Variants in HIPK1 observed in about 807,000 individuals in gnomAD.
The protein encoded by HIPK1 is homeodomain interacting protein kinase 1.
In HIPK1, 28 loss-of-function variants were observed where a neutral mutation model predicts 117.1. That is an observed-to-expected ratio of 0.24 (90% confidence interval 0.18 to 0.33). The LOEUF (loss-of-function observed/expected upper bound fraction) is 0.33. Ranked by LOEUF, HIPK1 falls within the 10% of genes least tolerant of loss-of-function variation. The pLI is 1.00. For synonymous variants in HIPK1, 605 were observed against 562.5 expected (o/e 1.08, Z -1.07); for missense variants, 1,122 against 1,475.1 (o/e 0.76, Z 3.92).
rs1409728654 is a variant in HIPK1, at chr1:113,929,421, G to C, written c.-114G>C. 2.3e-6 allele frequency: 3 copies of C among 1,289,302 alleles called. No individual in the cohort carries two copies. The East Asian group carries it at 1.7e-4, about 72-fold the overall frequency. 79.9% of individuals were successfully genotyped at this position (1,289,302 alleles called of 1,614,324 possible). On this transcript the variant is annotated 5_prime_UTR_variant, in exon 1 of 16. Transcript: ENST00000426820. ...GGCGGGAAGTCCAGGCCCCGCACTC[G>C]ATCCACGCTGGCTCCCTACGGAGGC...
At chr1:113,955,968 G>A (rs555368025) in intron 5 of HIPK1, among the ~76,000 whole-genome samples, 1 of 151,324 alleles carries the variant, frequency 6.6e-6, no homozygotes, top group East Asian at 1.9e-4. Flanking sequence ...ATTATGTTAC[G>A]AACTCTGAAC....
At chr1:113,929,720 C>T in intron 1 of HIPK1, 188 bp downstream of exon 1, 2 of 822,154 alleles carry the variant, frequency 2.4e-6, no homozygotes, top group Non-Finnish European at 1.5e-6. Context: ...GAGGCGGCGG[C>T]GGCGGCGGCG....
Position 113,963,490 on chromosome 1 carries a change from C to T in HIPK1, c.2207C>T (p.Pro736Leu), listed in dbSNP as rs1290373920. 4 of 1,614,162 alleles carry T rather than the reference C, an allele frequency of 2.5e-6. No homozygotes were observed. Among genetic ancestry groups the T allele is most frequent in the East Asian group, 2.2e-5 (1 of 44,874 alleles). Residue 736 changes from proline to leucine, a missense_variant, in exon 10 of 16, where the codon CCG (proline) becomes CTG (leucine). By Grantham distance (98) the Pro-to-Leu change is moderately conservative. This residue lies in a region of HIPK1 where 731 missense variants were observed against 860.4 expected (regional missense o/e 0.85). Coordinates refer to ENST00000426820, the MANE Select transcript of HIPK1 (RefSeq NM_198268.3). ...ACTCTGAGCTGCGCAGCCGGCCGGC[C>T]GGCGCTGGTTGAACAGACTGCCGCT... Reference protein sequence around the residue: ...PFTLSCAAGRPALVEQTAAVL... With the variant: ...PFTLSCAAGRLALVEQTAAVL...
intron 8 of HIPK1, among the ~76,000 whole-genome samples, chr1:113,961,696 G>A (rs1168069590): frequency 2.0e-5 from 3 of 151,874 alleles, no homozygotes; most frequent in African/African-American, 4.8e-5. Context: ...CTGTAATCCC[G>A]GCACTTTGGG....
intron 11 of HIPK1, 101 bp downstream of exon 11, chr1:113,966,373 AT>A: frequency 8.9e-7 from 1 of 1,119,726 alleles, no homozygotes; most frequent in Non-Finnish European, 1.2e-6. Context: ...ATAAAGGAAA[AT>A]TTGACACTGT....
At chr1:113,937,560 G>T (rs1033648091) in intron 1 of HIPK1, among the ~76,000 whole-genome samples, 1 of 152,006 alleles carries the variant, frequency 6.6e-6, no homozygotes, top group African/African-American at 2.4e-5. Flanking sequence ...TGGTAGGCAG[G>T]GGTCAAATAA....
At chr1:113,972,384 T>A (rs138425868) in intron 15 of HIPK1, among the ~76,000 whole-genome samples, 23 of 152,352 alleles carry the variant, frequency 1.5e-4, no homozygotes, top group Non-Finnish European at 1.8e-4. Context: ...TAGGTCCTAC[T>A]TGTTGCTGGA....
intron 2 of HIPK1, among the ~76,000 whole-genome samples, chr1:113,944,169 T>TTTTG (rs1670834448): frequency 1.6e-5 from 2 of 126,452 alleles, no homozygotes; most frequent in South Asian, 2.8e-4. Context: ...GTTTTTTTTT[T>TTTTG]TTTTTTTTTT....
chr1:113,962,276 G>A (rs113573767), intron 8 of HIPK1, 41 bp from the exon 9 acceptor site: 10 of 1,604,406 alleles, frequency 6.2e-6, no homozygotes, highest in African/African-American at 1.3e-5. Context: ...AGTACTCCCA[G>A]ACCTTGCAAA....
At position 113,966,062 on chromosome 1, in the gene HIPK1, T is replaced by TA. The variant is rs1209439243; in HGVS notation, c.2239-61dup. ...TTTAAGATATGAATTTTTCTTTCTT[T>TA]AAAAAAACAGAAGAAAAAGCCAAGA... On this transcript the variant is annotated intron_variant, in intron 10 of 15. Coordinates refer to ENST00000426820, the MANE Select transcript of HIPK1 (RefSeq NM_198268.3). 27 of 1,499,656 alleles carry TA rather than the reference T, an allele frequency of 1.8e-5. No individual in the cohort carries two copies. The East Asian group carries it at 4.6e-4, about 25-fold the overall frequency. 92.9% of individuals were successfully genotyped at this position (1,499,656 alleles called of 1,614,324 possible).
Position 113,955,665 on chromosome 1 carries a change from T to G in HIPK1, c.1407+16T>G. 1.4e-6 allele frequency: 2 copies of G among 1,418,454 alleles called. No individual in the cohort carries two copies. The highest frequency in any genetic ancestry group is 9.9e-7 in the Non-Finnish European group (1 of 1,014,830). 87.9% of individuals were successfully genotyped at this position (1,418,454 alleles called of 1,614,324 possible). Reference sequence around the variant, plus strand: ...CATGGCTCAGGTGAGTACGGAAAGTTTCAGAAAGTCAGACATTTATTTTTA... The same window carrying G: ...CATGGCTCAGGTGAGTACGGAAAGTGTCAGAAAGTCAGACATTTATTTTTA... On this transcript the variant is annotated intron_variant, in intron 5 of 15. Coordinates refer to ENST00000426820, the MANE Select transcript of HIPK1 (RefSeq NM_198268.3).
intron 10 of HIPK1, among the ~76,000 whole-genome samples, chr1:113,964,687 T>G (rs1448740351): frequency 6.6e-6 from 1 of 152,246 alleles, no homozygotes; most frequent in Non-Finnish European, 1.5e-5. Flanking sequence ...CACTTCCAGA[T>G]TAATTTTCTT....
chr1:113,971,504 T>G (rs1189274255), intron 14 of HIPK1, among the ~76,000 whole-genome samples: 1 of 152,236 alleles, frequency 6.6e-6, no homozygotes, highest in Non-Finnish European at 1.5e-5. Flanking sequence ...AATCCCTTCC[T>G]ACATAAAACT....
chr1:113,973,001 C>T (rs1488360579), intron 15 of HIPK1, 23 bp from the exon 16 acceptor site: 5 of 1,513,080 alleles, frequency 3.3e-6, no homozygotes, highest in Non-Finnish European at 4.4e-6. Flanking sequence ...CAGGATTCCT[C>T]ACTTCTTCCT....
rs74903228 is a variant in HIPK1 at position 113,951,063 on chromosome 1, C to T, written c.1077-1703C>T. On this transcript the variant is annotated intron_variant, in intron 2 of 15. Coordinates refer to ENST00000426820, the MANE Select transcript of HIPK1 (RefSeq NM_198268.3). ...AAGATGTGTATCTTAGAATTGATGA[C>T]ATCATAATAATACTTTGATAGGATT... 1,487 of 196,606 alleles carry T rather than the reference C, an allele frequency of 7.6e-3. 27 individuals carry two copies. Among genetic ancestry groups the T allele is most frequent in the African/African-American group, 0.033 (1,388 of 42,350 alleles). The allele number at this position is 196,606 out of a possible 1,614,324, so 12.2% of individuals were successfully genotyped here. A position where few individuals can be genotyped will look rare whatever the true frequency, so the allele number is the denominator to read the frequency against.
chr1:113,952,535 T>C (rs560252715), intron 2 of HIPK1, among the ~76,000 whole-genome samples: 2 of 152,314 alleles, frequency 1.3e-5, no homozygotes, highest in East Asian at 1.9e-4. Context: ...GGGATTATTA[T>C]ATAATGTGTA....
In HIPK1 at chr1:113,952,748, A is replaced by AT; in HGVS notation, c.1077-12dup. The AT allele has an allele frequency of 7.1e-7, 1 of 1,409,102 alleles. No homozygotes were observed. Among genetic ancestry groups the AT allele is most frequent in the South Asian group, 1.7e-5 (1 of 58,472 alleles). 87.3% of individuals were successfully genotyped at this position (1,409,102 alleles called of 1,614,324 possible). ...AATGTTTTTTTTTTTTTAATCTGAT[A>AT]TTTTTTGTTTTTGCTAGAGCTCCTG... is the stretch of plus-strand genomic sequence containing the variant. On this transcript the variant is annotated splice_polypyrimidine_tract_variant and intron_variant, in intron 2 of 15. Transcript: ENST00000426820.
rs1459174753 is a variant in HIPK1, at chr1:113,977,567, T to C, written c.*4055T>C. The C allele has an allele frequency of 6.5e-6, 1 of 152,790 alleles. No individual in the cohort carries two copies. The highest frequency in any genetic ancestry group is 2.4e-5 in the African/African-American group (1 of 41,460). The allele number at this position is 152,790 out of a possible 1,614,324, so 9.5% of individuals were successfully genotyped here. A position where few individuals can be genotyped will look rare whatever the true frequency, so the allele number is the denominator to read the frequency against. ...TCTGAGAATTACTGAGCTATGTTTG[T>C]AATGCAGATGTACTTAGGGAGTATG... On this transcript the variant is annotated 3_prime_UTR_variant, in exon 16 of 16. Transcript: ENST00000426820.
intron 14 of HIPK1, 94 bp from the exon 15 acceptor site, chr1:113,971,730 A>C: frequency 8.1e-7 from 1 of 1,241,760 alleles, no homozygotes; most frequent in Non-Finnish European, 1.1e-6. Flanking sequence ...TAATGCTTGC[A>C]AACTACATAC....
Sources: gnomAD v4.1 joint callset for allele counts (sites outside exome capture counted in the v4.1 genomes callset) on GRCh38, gnomAD v4.1.1 for gene constraint, gnomAD v4.1.1 regional missense constraint, MANE v1.5 for transcripts, NCBI Gene and HGNC (gene_info 2026-07-23, HGNC 2026-07-21) for gene names.